The following CASP10 variants were observed in gnomAD, a reference collection of about 807,000 sequenced individuals.
The protein encoded by CASP10 is caspase 10.
In CASP10, 41 loss-of-function variants were observed where a neutral mutation model predicts 48.5. The ratio of observed to expected loss-of-function variants is 0.85; its 90% CI spans 0.66 to 1.10. The LOEUF is 1.10. Among genes scored for constraint, CASP10 ranks in the 50% least tolerant of loss-of-function variants. The pLI is 0.00. For synonymous variants in CASP10, 232 were observed against 238.4 expected (o/e 0.97, Z 0.25); for missense variants, 614 against 614.5 (o/e 1.00, Z 0.01).
chr2:201,185,307 C>T (rs1944376624), intron 1 of CASP10, among the ~76,000 whole-genome samples: 1 of 152,262 alleles, frequency 6.6e-6, no homozygotes, highest in South Asian at 2.1e-4. Context: ...CCTCACGGTA[C>T]CTTGCTGTCT....
intron 1 of CASP10, among the ~76,000 whole-genome samples, chr2:201,185,293 C>T (rs945692140): frequency 1.3e-5 from 2 of 152,186 alleles, no homozygotes; most frequent in East Asian, 1.9e-4. Flanking sequence ...ATGTAACACA[C>T]ATACCTCACG....
downstream of CASP10, among the ~76,000 whole-genome samples, chr2:201,222,408 G>T (rs1055798059): frequency 2.0e-5 from 3 of 151,920 alleles, no homozygotes; most frequent in Non-Finnish European, 4.4e-5. Flanking sequence ...GTAGAAACAG[G>T]GTTTTGCCAT....
chr2:201,217,204 C>G (rs1215756263), intron 9 of CASP10, among the ~76,000 whole-genome samples: 16 of 152,132 alleles, frequency 1.1e-4, no homozygotes, highest in Admixed American at 1.0e-3. Flanking sequence ...TGATCTAAGA[C>G]CTGGTACATG....
intron 2 of CASP10, 56 bp from the exon 3 acceptor site, chr2:201,187,650 T>G: frequency 3.3e-6 from 4 of 1,204,984 alleles, no homozygotes; most frequent in Non-Finnish European, 2.5e-6. Context: ...CTTGATTGAT[T>G]ATGGTGTCCT....
At chr2:201,203,560 G>T (rs1334345070) in intron 5 of CASP10, among the ~76,000 whole-genome samples, 170 bp from the exon 6 acceptor site, 1 of 152,104 alleles carries the variant, frequency 6.6e-6, no homozygotes, top group African/African-American at 2.4e-5. Flanking sequence ...ACCTGCCTTG[G>T]CCTCCCAAAG....
At chr2:201,217,518 C>T in intron 9 of CASP10, 70 bp from the exon 10 acceptor site, 1 of 959,774 alleles carries the variant, frequency 1.0e-6, no homozygotes, top group Non-Finnish European at 1.7e-6. Flanking sequence ...GAGATCACAC[C>T]ACTGCACTCC....
At chr2:201,200,588 T>C in intron 5 of CASP10, 1 of 1,565,720 alleles carries the variant, frequency 6.4e-7, no homozygotes, top group Non-Finnish European at 8.6e-7. Flanking sequence ...GGGAGAGGCC[T>C]GCTCTTCGGC....
rs1421515205 is a variant in CASP10 at position 201,217,571 on chromosome 2, T to A, written c.1416-17T>A. On this transcript the variant is annotated splice_polypyrimidine_tract_variant and intron_variant, in intron 9 of 9. Coordinates refer to ENST00000286186, the MANE Select transcript of CASP10 (RefSeq NM_032977.4). ...GAGACTCCGTAAAAAAAAATTTTGT[T>A]TTCTTCTTTGTTGCAGACATGAAGA... The A allele has an allele frequency of 1.9e-6, 3 of 1,607,210 alleles. No individual in the cohort carries two copies. The Admixed American group carries it at 5.0e-5, about 27-fold the overall frequency.
chr2:201,223,114 A>G (rs1027814101), downstream of CASP10, among the ~76,000 whole-genome samples: 5 of 152,216 alleles, frequency 3.3e-5, no homozygotes, highest in Admixed American at 2.6e-4. Flanking sequence ...CGACTGCTTC[A>G]TATTTGAGTA....
intron 9 of CASP10, among the ~76,000 whole-genome samples, chr2:201,210,977 A>G (rs1423702197): frequency 1.3e-5 from 2 of 152,184 alleles, no homozygotes; most frequent in Admixed American, 6.5e-5. Context: ...CTTCATAACT[A>G]CATATTTCAG....
intron 3 of CASP10, among the ~76,000 whole-genome samples, chr2:201,192,376 G>C (rs1425496073): frequency 6.6e-6 from 1 of 150,784 alleles, no homozygotes; most frequent in East Asian, 1.9e-4. Flanking sequence ...GGGAGACAGA[G>C]TGAGAGACTC....
rs746364803 is a variant in CASP10 at position 201,229,057 on chromosome 2, A to T, written c.1540A>T (p.Met514Leu). 2.6e-5 allele frequency: 42 copies of T among 1,614,026 alleles called. 1 individual carries two copies. The South Asian group carries it at 4.5e-4, about 17-fold the overall frequency. Residue 514 changes from methionine (M) to leucine (L), a missense_variant, in exon 10 of 10, where the codon ATG (methionine) becomes TTG (leucine). By Grantham distance (15) the Met-to-Leu change is conservative (BLOSUM62 2). Coordinates refer to the CASP10 transcript ENST00000272879. ...CTCTGCGCAGACACCTCGACCCCCC[A>T]TGCGCAGGTGGAGCAGCGTTTCCTA...
At chr2:201,216,675 A>G (rs190602065) in intron 9 of CASP10, among the ~76,000 whole-genome samples, 36 of 152,244 alleles carry the variant, frequency 2.4e-4, no homozygotes, top group Non-Finnish European at 3.5e-4. Context: ...GCTTGACCCA[A>G]TATACATCCT....
At chr2:201,212,001 T>C (rs1945411513) in intron 9 of CASP10, among the ~76,000 whole-genome samples, 1 of 152,132 alleles carries the variant, frequency 6.6e-6, no homozygotes, top group African/African-American at 2.4e-5. Context: ...CAGGCTGGAG[T>C]GCAGTGGCGC....
chr2:201,203,844 T>G, intron 6 of CASP10, 78 bp downstream of exon 6: 1 of 1,110,664 alleles, frequency 9.0e-7, no homozygotes, highest in Admixed American at 1.7e-5. Context: ...ACCAAGGAAT[T>G]CAAGGTGACT....
chr2:201,205,911 C>G lies in CASP10; in HGVS notation c.751C>G (p.Leu251Val). The G allele has an allele frequency of 6.2e-7, 1 of 1,612,910 alleles. No homozygotes were observed. Among genetic ancestry groups the G allele is most frequent in the South Asian group, 1.1e-5 (1 of 91,054 alleles). Residue 251 changes from leucine to valine, a missense_variant, in exon 7 of 10, where the codon CTG becomes GTG. Coordinates refer to ENST00000286186, the MANE Select transcript of CASP10 (RefSeq NM_032977.4). ...CAGAGCCACAAATGGTGCACCAAGC[C>G]TGGTCTCCAGGGGGATGCAAGGAGC... ...GNRATNGAPS[L>V]VSRGMQGASA...
chr2:201,199,759 G>A (rs1944946241), intron 5 of CASP10, among the ~76,000 whole-genome samples: 1 of 151,802 alleles, frequency 6.6e-6, no homozygotes, highest in East Asian at 1.9e-4. Context: ...ATTTTTAGTA[G>A]AGATGGCATT....
intron 1 of CASP10, 37 bp downstream of exon 1, chr2:201,183,345 A>C (rs752303405): frequency 6.6e-6 from 1 of 152,204 alleles, no homozygotes; most frequent in Admixed American, 6.5e-5. Flanking sequence ...CCAGAGTCTC[A>C]TGCTTGAATC....
chr2:201,223,447 T>C (rs1386737652), downstream of CASP10, among the ~76,000 whole-genome samples: 1 of 152,208 alleles, frequency 6.6e-6, no homozygotes, highest in African/African-American at 2.4e-5. Flanking sequence ...CTCGAAGCCA[T>C]TTCTGGAGGA....
Sources: gnomAD v4.1 joint callset for allele counts (sites outside exome capture counted in the v4.1 genomes callset) on GRCh38, gnomAD v4.1.1 for gene constraint, MANE v1.5 for transcripts, NCBI Gene and HGNC (gene_info 2026-07-23, HGNC 2026-07-21) for gene names.